The following CDYL2 variants were observed in gnomAD, a reference collection of about 807,000 sequenced individuals.
CDYL2 encodes the protein chromodomain Y-like protein 2.
A neutral mutation model predicts 49.4 loss-of-function variants in CDYL2; 23 were observed. That is an observed-to-expected ratio of 0.47 (90% confidence interval 0.34 to 0.66). The LOEUF (loss-of-function observed/expected upper bound fraction) is 0.66. Among genes scored for constraint, CDYL2 ranks in the 30% least tolerant of loss-of-function variants. The pLI, the probability that CDYL2 is intolerant of heterozygous loss-of-function variation, is 0.01. For missense variants in CDYL2, 678 were observed against 656.4 expected (o/e 1.03, Z -0.36); for synonymous variants, 360 against 268.8 (o/e 1.34, Z -3.32).
chr16:80,761,344 C>T (rs1906521870), intron 1 of CDYL2, among the ~76,000 whole-genome samples: 1 of 152,202 alleles, frequency 6.6e-6, no homozygotes, highest in South Asian at 2.1e-4. Context: ...GCTTCTGTTT[C>T]CTCATCTGTG....
At chr16:80,745,473 G>A (rs1161005049) in intron 1 of CDYL2, among the ~76,000 whole-genome samples, 1 of 152,160 alleles carries the variant, frequency 6.6e-6, no homozygotes, top group African/African-American at 2.4e-5. Flanking sequence ...GTGGCCTTGA[G>A]AAAGCCACCA....
At chr16:80,625,532 G>T (rs908389881) in intron 3 of CDYL2, among the ~76,000 whole-genome samples, 1 of 152,162 alleles carries the variant, frequency 6.6e-6, no homozygotes, top group African/African-American at 2.4e-5. Context: ...ATAGATTCTG[G>T]AGATTTGGAC....
intron 1 of CDYL2, among the ~76,000 whole-genome samples, chr16:80,755,193 G>C: frequency 6.6e-6 from 1 of 152,114 alleles, no homozygotes; most frequent in South Asian, 2.1e-4. Flanking sequence ...TGGTTACTCA[G>C]CAAATGTAAA....
chr16:80,672,989 T>C lies in CDYL2; in HGVS notation c.616+11549A>G, dbSNP rs538903587. 2.6e-5 allele frequency among the ~76,000 whole-genome samples: 4 copies of C among 152,320 alleles called. No individual in the cohort carries two copies. In the East Asian group the frequency reaches 7.7e-4, roughly 29 times the overall value. ...CCTAGGATTAGATAAGTGTTTTGTGTCTTGTAGGAGGAGCTGCTTGCTCCC... is the reference window on the plus strand; with the variant it reads ...CCTAGGATTAGATAAGTGTTTTGTGCCTTGTAGGAGGAGCTGCTTGCTCCC... On this transcript the variant is annotated intron_variant, in intron 2 of 6. Coordinates refer to ENST00000570137, the MANE Select transcript of CDYL2 (RefSeq NM_152342.4).
At chr16:80,752,253 G>A (rs185981924) in intron 1 of CDYL2, among the ~76,000 whole-genome samples, 3 of 152,146 alleles carry the variant, frequency 2.0e-5, no homozygotes, top group Admixed American at 6.5e-5. Flanking sequence ...GGAGAAAACC[G>A]CAGATAAATA....
intron 1 of CDYL2, among the ~76,000 whole-genome samples, chr16:80,747,495 G>C (rs749931966): frequency 6.6e-5 from 10 of 152,170 alleles, no homozygotes; most frequent in Non-Finnish European, 1.3e-4. Context: ...CACAAGGCCT[G>C]GGCCTATTAC....
At chr16:80,666,224 C>T (rs534962053) in intron 2 of CDYL2, among the ~76,000 whole-genome samples, 1 of 152,302 alleles carries the variant, frequency 6.6e-6, no homozygotes, top group South Asian at 2.1e-4. Flanking sequence ...TTTCTACCTG[C>T]CTGCTCTTAT....
chr16:80,717,407 A>G (rs906881212), intron 1 of CDYL2, among the ~76,000 whole-genome samples: 1 of 152,248 alleles, frequency 6.6e-6, no homozygotes, highest in African/African-American at 2.4e-5. Context: ...CCTGGTGGCA[A>G]TAAAGTAAGA....
chr16:80,786,028 A>T (rs1193629073), intron 1 of CDYL2, among the ~76,000 whole-genome samples: 1 of 152,226 alleles, frequency 6.6e-6, no homozygotes, highest in Non-Finnish European at 1.5e-5. Context: ...AAACCTGGGC[A>T]ATACCATTCA....
chr16:80,720,367 C>T (rs762318186), intron 1 of CDYL2, among the ~76,000 whole-genome samples: 1 of 152,152 alleles, frequency 6.6e-6, no homozygotes, highest in Non-Finnish European at 1.5e-5. Flanking sequence ...GATGTCAATC[C>T]CTGCCATGAC....
intron 1 of CDYL2, among the ~76,000 whole-genome samples, chr16:80,700,934 T>C (rs1904297195): frequency 6.6e-6 from 1 of 152,236 alleles, no homozygotes; most frequent in Non-Finnish European, 1.5e-5. Flanking sequence ...TGTAACGCCG[T>C]GCAGCTAAGA....
chr16:80,763,074 G>A lies in CDYL2; in HGVS notation c.24+41076C>T, dbSNP rs140094330. ...TCCCAGCTACTTGGGAGGCTGAGGCGGCAGGATCACTTGAGCCCAGGAGGT... is the reference window on the plus strand; with the variant it reads ...TCCCAGCTACTTGGGAGGCTGAGGCAGCAGGATCACTTGAGCCCAGGAGGT... On this transcript the variant is annotated intron_variant, in intron 1 of 6. Transcript: ENST00000570137. 2.5e-3 allele frequency among the ~76,000 whole-genome samples: 375 copies of A among 152,190 alleles called. 1 individual carries two copies. Among genetic ancestry groups the A allele is most frequent in the African/African-American group, 8.4e-3 (349 of 41,536 alleles).
chr16:80,630,595 C>T (rs9935562), intron 3 of CDYL2, among the ~76,000 whole-genome samples: 8,488 of 151,576 alleles, frequency 0.056, 725 homozygotes, highest in African/African-American at 0.19. Flanking sequence ...CTTTGAATCC[C>T]ACACAGAGGT....
intron 2 of CDYL2, among the ~76,000 whole-genome samples, chr16:80,658,379 A>G (rs1908899134): frequency 6.6e-6 from 1 of 152,202 alleles, no homozygotes; most frequent in South Asian, 2.1e-4. Context: ...TCAAAAGGGG[A>G]GAGGGGAAGA....
rs755963445 is a variant in CDYL2 at position 80,684,961 on chromosome 16, T to C, written c.193A>G (p.Arg65Gly). Residue 65 changes from arginine to glycine, a missense_variant, in exon 2 of 7, where the codon AGG becomes GGG. This residue lies in a region of CDYL2 where 478 missense variants were observed against 427.0 expected (regional missense o/e 1.12). Coordinates refer to ENST00000570137, the MANE Select transcript of CDYL2 (RefSeq NM_152342.4). ...FNGLHMSKDK[R>G]IKSGKQSSTS... ...CTGGACTGCTTCCCTGACTTGATCC[T>C]CTTGTCCTTGGACATGTGCAACCCA... is the stretch of plus-strand genomic sequence containing the variant. 1 of 1,614,240 alleles carries C rather than the reference T, an allele frequency of 6.2e-7. No homozygotes were observed. The highest frequency in any genetic ancestry group is 8.5e-7 in the Non-Finnish European group (1 of 1,180,038).
rs113676790 is a variant in CDYL2 at position 80,612,971 on chromosome 16, T to A, written c.1008-135A>T. The A allele has an allele frequency of 2.8e-6, 2 of 705,242 alleles. No homozygotes were observed. The highest frequency in any genetic ancestry group is 4.6e-6 in the Non-Finnish European group (2 of 438,786). The allele number at this position is 705,242 out of a possible 1,614,324, so 43.7% of individuals were successfully genotyped here. A position where few individuals can be genotyped will look rare whatever the true frequency, so the allele number is the denominator to read the frequency against. On this transcript the variant is annotated intron_variant, in intron 4 of 6. Coordinates refer to ENST00000570137, the MANE Select transcript of CDYL2 (RefSeq NM_152342.4). The surrounding 1 kb of genome is among the most constrained non-coding windows in gnomAD (Gnocchi z 5.0). ...TTAGAGGTGCCAGGCAAGGGCCTCA[T>A]TGCCTGGACATGGAACCACCAGCTG...
chr16:80,618,039 C>T (rs888423114), intron 4 of CDYL2, among the ~76,000 whole-genome samples: 1 of 152,184 alleles, frequency 6.6e-6, no homozygotes, highest in Non-Finnish European at 1.5e-5. Context: ...GGGCTGAGAA[C>T]CAGTGGTCCA....
chr16:80,731,454 C>T (rs1905323423), intron 1 of CDYL2, among the ~76,000 whole-genome samples: 2 of 152,004 alleles, frequency 1.3e-5, no homozygotes, highest in African/African-American at 4.8e-5. Flanking sequence ...CTGAAAAATT[C>T]CCACAACAAA....
In CDYL2 at chr16:80,623,033, C is replaced by A. The variant is rs113221700; in HGVS notation, c.835-2098G>T. Among the ~76,000 whole-genome samples, 45 of 152,314 alleles carry A rather than the reference C, an allele frequency of 3.0e-4. 2 individuals carry two copies. The highest frequency in any genetic ancestry group is 3.4e-3 in the Middle Eastern group (1 of 294). The stretch of plus-strand genomic sequence containing the variant: ...GCAACATGTCAGGAAGTGGCAGAGC[C>A]TGCACTAACAGACTGGCCAGCTCAA... On this transcript the variant is annotated intron_variant, in intron 3 of 6. Transcript: ENST00000570137.
Sources: allele counts gnomAD v4.1 joint callset (sites outside exome capture counted in the v4.1 genomes callset), GRCh38; gene constraint gnomAD v4.1.1; regional missense constraint gnomAD v4.1.1; non-coding constraint Gnocchi (gnomAD v3.1); transcripts MANE v1.5; gene names NCBI Gene and HGNC (gene_info 2026-07-23, HGNC 2026-07-21).